CEP250: variants seen among roughly 807,000 people sequenced by gnomAD.
CEP250 encodes the protein centrosome-associated protein CEP250.
In CEP250, 242 loss-of-function variants were observed where a neutral mutation model predicts 315.7. That is an observed-to-expected ratio of 0.77 (90% CI 0.69 to 0.85). The LOEUF (loss-of-function observed/expected upper bound fraction) is 0.85. Ranked by LOEUF, CEP250 falls within the 40% of genes least tolerant of loss-of-function variation. The pLI, the probability that CEP250 is intolerant of heterozygous loss-of-function variation, is 0.00. For missense variants in CEP250, 2,515 were observed against 2,886.4 expected, an observed-to-expected ratio of 0.87 and a Z score of 2.95; for synonymous variants, 1,088 against 1,175.0, an observed-to-expected ratio of 0.93 and a Z score of 1.51.
At chr20:35,473,674 G>A in intron 13 of CEP250, 122 bp downstream of exon 13, 1 of 1,142,196 alleles carries the variant, frequency 8.8e-7, no homozygotes. Context: ...TGAGACTCAG[G>A]GCTGTTTTGC....
In CEP250 at chr20:35,502,941, G is replaced by A. The variant is rs766258913; in HGVS notation, c.4572G>A (p.Leu1524=). The part of the protein sequence containing the change: ...EKDRETQRNV[L]EHQLLELEKK... ...ATCGGGAGACTCAGAGGAACGTCTT[G>A]GAGCATCAGCTTCTAGAACTTGAGA... The change falls in exon 30 of 35, where the codon TTG becomes TTA. Residue 1524 remains leucine (L), a synonymous_variant. Transcript: ENST00000397527. 1.2e-6 allele frequency: 2 copies of A among 1,614,094 alleles called. No homozygotes were observed. Among genetic ancestry groups the A allele is most frequent in the African/African-American group, 2.7e-5 (2 of 74,930 alleles).
Position 35,513,717 on chromosome 20 carries a change from G to T in CEP250, c.*2091G>T, listed in dbSNP as rs2064401398. The T allele has an allele frequency of 6.6e-6, 1 of 152,194 alleles. No homozygotes were observed. The highest frequency in any genetic ancestry group is 1.5e-5 in the Non-Finnish European group (1 of 68,042). The allele number at this position is 152,194 out of a possible 1,614,324, so 9.4% of individuals were successfully genotyped here. ...CAGCATCATTTTCTGTAGGTCATGAGCCAGGGCCTTAGGCCCCACATACCT... is the reference window on the plus strand; with the variant it reads ...CAGCATCATTTTCTGTAGGTCATGATCCAGGGCCTTAGGCCCCACATACCT... On this transcript the variant is annotated 3_prime_UTR_variant, in exon 35 of 35. Coordinates refer to ENST00000397527, the MANE Select transcript of CEP250 (RefSeq NM_007186.6).
chr20:35,481,683 G>A (rs2063348033), intron 20 of CEP250, among the ~76,000 whole-genome samples: 2 of 141,296 alleles, frequency 1.4e-5, no homozygotes, highest in Non-Finnish European at 3.0e-5. Flanking sequence ...GTAGTTAATT[G>A]TCTGAAGATG....
Position 35,501,890 on chromosome 20 carries a change from T to G in CEP250, c.3944T>G (p.Leu1315Arg), listed in dbSNP as rs377363665. The G allele has an allele frequency of 8.1e-6, 13 of 1,613,666 alleles. No individual in the cohort carries two copies. The highest frequency in any genetic ancestry group is 1.1e-5 in the Non-Finnish European group (13 of 1,179,962). ...AAGCAGAACTCCCTAGAATCTGAGC[T>G]GATGGAACTACATGAAACTATGGCA... ...EGKQNSLESE[L>R]MELHETMASL... is the part of the protein sequence containing the mutation. The change falls in exon 29 of 35, where the codon CTG becomes CGG. Residue 1315 changes from leucine to arginine, a missense_variant. Physicochemically the swap from Leu to Arg is moderately radical, Grantham distance 102. Coordinates refer to ENST00000397527, the MANE Select transcript of CEP250 (RefSeq NM_007186.6).
intron 27 of CEP250, 99 bp from the exon 28 acceptor site, chr20:35,499,950 G>C (rs1252924887): frequency 1.3e-6 from 2 of 1,482,190 alleles, no homozygotes; most frequent in African/African-American, 2.8e-5. Context: ...CCACAATGGC[G>C]GCCCACCACA....
chr20:35,490,974 C>T (rs1175121900), intron 21 of CEP250, 170 bp downstream of exon 21: 20 of 821,780 alleles, frequency 2.4e-5, no homozygotes, highest in East Asian at 5.3e-5. Flanking sequence ...GCCACAGTTC[C>T]GGCAGTATGT....
At chr20:35,498,446 G>T (rs2063907350) in intron 26 of CEP250, 149 bp from the exon 27 acceptor site, 4 of 967,622 alleles carry the variant, frequency 4.1e-6, no homozygotes, top group Non-Finnish European at 4.6e-6. Context: ...CCATACTTAT[G>T]GAGAAAATAT....
chr20:35,504,011 G>T lies in CEP250; in HGVS notation c.5642G>T (p.Arg1881Leu). The T allele has an allele frequency of 6.2e-7, 1 of 1,608,802 alleles. No homozygotes were observed. The highest frequency in any genetic ancestry group is 1.1e-5 in the South Asian group (1 of 90,542). Residue 1881 changes from arginine to leucine, a missense_variant, in exon 30 of 35, where the codon CGG becomes CTG. By Grantham distance (102) the Arg-to-Leu change is moderately radical. Transcript: ENST00000397527. ...LEEELAVEGR[R>L]VQALEEVLGD... The stretch of plus-strand genomic sequence containing the variant: ...GAAGAGCTGGCAGTGGAGGGACGGC[G>T]GGTCCAGGCCCTGGAGGAGGTGCTG...
At chr20:35,496,509 C>T in intron 24 of CEP250, 68 bp from the exon 25 acceptor site, 2 of 1,341,328 alleles carry the variant, frequency 1.5e-6, no homozygotes, top group Non-Finnish European at 2.1e-6. Context: ...GTTTAGAATA[C>T]TCAGATGAGA....
At chr20:35,493,854 T>C (rs986799251) in intron 23 of CEP250, among the ~76,000 whole-genome samples, 1 of 152,220 alleles carries the variant, frequency 6.6e-6, no homozygotes, top group Non-Finnish European at 1.5e-5. Context: ...GCCAAAAATC[T>C]AATATTTTTA....
chr20:35,479,432 C>T lies in CEP250; in HGVS notation c.2288+8C>T, dbSNP rs767021030. 2 of 1,609,774 alleles carry T rather than the reference C, an allele frequency of 1.2e-6. No individual in the cohort carries two copies. Among genetic ancestry groups the T allele is most frequent in the African/African-American group, 1.3e-5 (1 of 74,822 alleles). On this transcript the variant is annotated splice_region_variant and intron_variant, in intron 18 of 34. Coordinates refer to ENST00000397527, the MANE Select transcript of CEP250 (RefSeq NM_007186.6). ...ACAACTACAGGGGCTCAGGTAGGGCCCAGACTCAGTTCAGCCAAGCACAGA... is the reference window on the plus strand; with the variant it reads ...ACAACTACAGGGGCTCAGGTAGGGCTCAGACTCAGTTCAGCCAAGCACAGA...
Position 35,474,025 on chromosome 20 carries a change from A to G in CEP250, c.1544A>G (p.His515Arg), listed in dbSNP as rs1159192793. The change falls in exon 14 of 35, where the codon CAC becomes CGC. Residue 515 changes from histidine (H) to arginine (R), a missense_variant. By Grantham distance (29) the His-to-Arg change is conservative (BLOSUM62 0). Transcript: ENST00000397527. Reference sequence around the variant, plus strand: ...AAGGAGGAACAGCAGGAGGAGCTGCACCTGGCTGTCCGGGAGAGGGAGCGT... The same window carrying G: ...AAGGAGGAACAGCAGGAGGAGCTGCGCCTGGCTGTCCGGGAGAGGGAGCGT... ...GQKEEQQEELHLAVRERERLQ... is the reference protein window; with the variant it reads ...GQKEEQQEELRLAVRERERLQ... The G allele has an allele frequency of 6.3e-7, 1 of 1,586,140 alleles. No homozygotes were observed. The highest frequency in any genetic ancestry group is 1.4e-5 in the African/African-American group (1 of 73,666).
chr20:35,504,957 C>T lies in CEP250; in HGVS notation c.6588C>T (p.Phe2196=). 2 of 1,613,768 alleles carry T rather than the reference C, an allele frequency of 1.2e-6. No individual in the cohort carries two copies. Among genetic ancestry groups the T allele is most frequent in the Non-Finnish European group, 1.7e-6 (2 of 1,179,758 alleles). ...SVSSLQEVAM[F]LQASVLERDS... ...GCAGTCTGCAGGAGGTAGCCATGTT[C>T]CTACAAGCCTCTGTCCTGGAGCGGG... The change falls in exon 30 of 35, where the codon TTC becomes TTT. Residue 2196 remains phenylalanine, a synonymous_variant. Transcript: ENST00000397527.
chr20:35,494,556 G>A lies in CEP250; in HGVS notation c.3066G>A (p.Gln1022=), dbSNP rs767563913. 1.2e-6 allele frequency: 2 copies of A among 1,614,090 alleles called. No individual in the cohort carries two copies. The highest frequency in any genetic ancestry group is 2.2e-5 in the East Asian group (1 of 44,894). The stretch of plus-strand genomic sequence containing the variant: ...ACTTGAAGTCTCAGCTGGTGGCCCA[G>A]GATGACTCCCAGAGGCTGGTGGAGC... ...VEDLKSQLVA[Q]DDSQRLVEQE... is the part of the protein sequence containing the mutation. Residue 1022 remains glutamine, a synonymous_variant, in exon 24 of 35, where the codon CAG becomes CAA. Transcript: ENST00000397527.
chr20:35,460,229 T>G (rs969196727), intron 3 of CEP250, 124 bp downstream of exon 3: 2 of 152,162 alleles, frequency 1.3e-5, no homozygotes, highest in African/African-American at 4.8e-5. Flanking sequence ...CACCAAACCT[T>G]TATTGGTGCC....
At chr20:35,500,874 C>T (rs987331147) in intron 28 of CEP250, among the ~76,000 whole-genome samples, 2 of 152,190 alleles carry the variant, frequency 1.3e-5, no homozygotes, top group African/African-American at 4.8e-5. Context: ...AAGGAAATGG[C>T]TGGGCTTCCA....
chr20:35,487,862 T>C (rs55969606), intron 20 of CEP250, among the ~76,000 whole-genome samples: 51,933 of 151,850 alleles, frequency 0.34, 10,224 homozygotes, highest in African/African-American at 0.54. Context: ...ACCATTTCTT[T>C]TTTATCCACC....
chr20:35,467,630 G>C (rs1453115985), intron 9 of CEP250, 75 bp downstream of exon 9: 10 of 1,426,752 alleles, frequency 7.0e-6, no homozygotes, highest in Non-Finnish European at 8.3e-6. Flanking sequence ...GGACAGGCAG[G>C]GGGAGGTGCC....
chr20:35,491,888 C>T (rs1024370564), intron 22 of CEP250, among the ~76,000 whole-genome samples: 8 of 100,604 alleles, frequency 8.0e-5, no homozygotes, highest in Admixed American at 3.3e-4. Flanking sequence ...GGTGATAGAG[C>T]GAGTCTCAAA....
Sources: allele counts gnomAD v4.1 joint callset (sites outside exome capture counted in the v4.1 genomes callset), GRCh38; gene constraint gnomAD v4.1.1; transcripts MANE v1.5; gene names NCBI Gene and HGNC (gene_info 2026-07-23, HGNC 2026-07-21).